AGBL4: variants seen among roughly 807,000 people sequenced by gnomAD.
AGBL4 encodes the protein AGBL carboxypeptidase 4.
A neutral mutation model predicts 66.4 loss-of-function variants in AGBL4; 58 were observed. That is an observed-to-expected ratio of 0.87 (90% CI 0.71 to 1.09). The LOEUF (loss-of-function observed/expected upper bound fraction) is 1.09. Ranked by LOEUF, AGBL4 falls within the 50% of genes least tolerant of loss-of-function variation. AGBL4 has a pLI of 0.00. For synonymous variants in AGBL4, 234 were observed against 222.9 expected (o/e 1.05, Z -0.44); for missense variants, 579 against 631.0 (o/e 0.92, Z 0.88).
intron 3 of AGBL4, among the ~76,000 whole-genome samples, chr1:49,591,362 T>G (rs547564880): frequency 6.6e-6 from 1 of 152,004 alleles, no homozygotes; most frequent in East Asian, 1.9e-4. Flanking sequence ...ATTAAAGGAA[T>G]TGTAAGTGAT....
At chr1:49,016,452 C>T (rs984537739) in intron 5 of AGBL4, among the ~76,000 whole-genome samples, 9 of 152,210 alleles carry the variant, frequency 5.9e-5, no homozygotes, top group Non-Finnish European at 1.3e-4. Context: ...CCTGGGAAGG[C>T]AGACTTCATG....
At chr1:48,683,692 T>C (rs1043800015) in intron 6 of AGBL4, among the ~76,000 whole-genome samples, 2 of 152,174 alleles carry the variant, frequency 1.3e-5, no homozygotes, top group African/African-American at 4.8e-5. Context: ...TAATTCTAGG[T>C]CGTCTGGCTC....
At chr1:49,788,266 T>A (rs1251194854) in intron 2 of AGBL4, among the ~76,000 whole-genome samples, 2 of 151,878 alleles carry the variant, frequency 1.3e-5, no homozygotes, top group African/African-American at 4.8e-5. Flanking sequence ...ACAAAGCACA[T>A]AACTAAGTCT....
At chr1:49,506,960 T>G (rs1454048542) in intron 3 of AGBL4, among the ~76,000 whole-genome samples, 3 of 151,998 alleles carry the variant, frequency 2.0e-5, no homozygotes, top group Admixed American at 1.3e-4. Context: ...CCTTATGTAC[T>G]CCTCTCCCTT....
At chr1:49,630,920 AG>A (rs1304095196) in intron 3 of AGBL4, among the ~76,000 whole-genome samples, 3 of 152,308 alleles carry the variant, frequency 2.0e-5, no homozygotes, top group Non-Finnish European at 4.4e-5. Context: ...AACCTGGTAG[AG>A]GGACAAGAGG....
At chr1:49,573,603 G>A (rs1202631937) in intron 3 of AGBL4, among the ~76,000 whole-genome samples, 1 of 152,172 alleles carries the variant, frequency 6.6e-6, no homozygotes, top group Non-Finnish European at 1.5e-5. Context: ...CCCAGCTTCA[G>A]AAACAGGTAC....
chr1:49,870,229 T>C (rs1288942036), intron 1 of AGBL4, among the ~76,000 whole-genome samples: 1 of 152,126 alleles, frequency 6.6e-6, no homozygotes, highest in Non-Finnish European at 1.5e-5. Flanking sequence ...AATGAAATAG[T>C]TTTAATTTTT....
intron 7 of AGBL4, among the ~76,000 whole-genome samples, chr1:48,659,468 A>G (rs183826774): frequency 6.6e-6 from 1 of 152,340 alleles, no homozygotes; most frequent in East Asian, 1.9e-4. Flanking sequence ...TAATTCAATG[A>G]TAAAGGGTCT....
intron 3 of AGBL4, among the ~76,000 whole-genome samples, chr1:49,483,720 A>C (rs1647004981): frequency 6.6e-6 from 1 of 152,006 alleles, no homozygotes; most frequent in Non-Finnish European, 1.5e-5. Flanking sequence ...CCGCAAGCAC[A>C]GGCAACCAAA....
At chr1:48,597,773 A>G (rs1276505613) in intron 9 of AGBL4, among the ~76,000 whole-genome samples, 1 of 149,458 alleles carries the variant, frequency 6.7e-6, no homozygotes, top group Non-Finnish European at 1.5e-5. Context: ...GAAAAGGAAG[A>G]AAGGGTGGAA....
Position 49,935,927 on chromosome 1 carries a change from C to T in AGBL4, c.35-84409G>A, listed in dbSNP as rs113417683. Among the ~76,000 whole-genome samples, 72 of 152,232 alleles carry T rather than the reference C, an allele frequency of 4.7e-4. No homozygotes were observed. The South Asian group carries it at 5.8e-3, about 12-fold the overall frequency. On this transcript the variant is annotated intron_variant, in intron 1 of 13. Coordinates refer to ENST00000371839, the MANE Select transcript of AGBL4 (RefSeq NM_032785.4). The stretch of plus-strand genomic sequence containing the variant: ...AAACTGGAAACTCTAAAAAGCAGAG[C>T]GCCTCTCCACCTCCAAAGGAACACA...
chr1:48,769,568 CACAA>C (rs1207093242), intron 6 of AGBL4, among the ~76,000 whole-genome samples: 4 of 143,702 alleles, frequency 2.8e-5, no homozygotes, highest in East Asian at 4.1e-4. Context: ...CACACACACA[CACAA>C]GTTAAATTTT....
At chr1:49,882,594 G>A (rs903817411) in intron 1 of AGBL4, among the ~76,000 whole-genome samples, 3 of 152,182 alleles carry the variant, frequency 2.0e-5, no homozygotes, top group Middle Eastern at 3.4e-3. Context: ...TCCTTGAAGA[G>A]GTCCTTCACA....
At chr1:49,809,385 T>C (rs2147966335) in intron 2 of AGBL4, among the ~76,000 whole-genome samples, 1 of 146,786 alleles carries the variant, frequency 6.8e-6, no homozygotes, top group Non-Finnish European at 1.5e-5. Context: ...CCCACTATTC[T>C]TAAGAACCAA....
At chr1:49,100,261 G>C (rs528586194) in intron 4 of AGBL4, among the ~76,000 whole-genome samples, 12 of 152,286 alleles carry the variant, frequency 7.9e-5, no homozygotes, top group East Asian at 3.9e-4. Context: ...GCTGTCCTAA[G>C]TTGGGCCGAG....
intron 8 of AGBL4, among the ~76,000 whole-genome samples, chr1:48,651,553 G>A (rs1219686712): frequency 6.6e-6 from 1 of 152,222 alleles, no homozygotes; most frequent in Non-Finnish European, 1.5e-5. Flanking sequence ...TCTGTCCATG[G>A]AAGGTGGAAA....
intron 5 of AGBL4, among the ~76,000 whole-genome samples, chr1:49,005,120 T>A (rs374483695): frequency 6.6e-6 from 1 of 152,152 alleles, no homozygotes; most frequent in Admixed American, 6.5e-5. Context: ...CCAAGAATAT[T>A]TAGTTGAAAA....
chr1:49,758,154 T>C (rs550114824), intron 2 of AGBL4, among the ~76,000 whole-genome samples: 1 of 152,274 alleles, frequency 6.6e-6, no homozygotes, highest in Admixed American at 6.5e-5. Context: ...CCTTGGCAAC[T>C]TCCACATGAT....
intron 13 of AGBL4, 38 bp from the exon 14 acceptor site, chr1:48,534,331 C>T (rs144038353): frequency 6.5e-7 from 1 of 1,527,848 alleles, no homozygotes; most frequent in Non-Finnish European, 8.8e-7. Context: ...AGAAGACAGC[C>T]CATATACACA....
Sources: gnomAD v4.1 joint callset for allele counts (sites outside exome capture counted in the v4.1 genomes callset) on GRCh38, gnomAD v4.1.1 for gene constraint, MANE v1.5 for transcripts, NCBI Gene and HGNC (gene_info 2026-07-23, HGNC 2026-07-21) for gene names.